CHMP4C: variants seen among roughly 807,000 people sequenced by gnomAD.
The protein encoded by CHMP4C is SNF7 homolog associated with Alix 3.
A neutral mutation model predicts 29.0 loss-of-function variants in CHMP4C; 28 were observed. The ratio of observed to expected loss-of-function variants is 0.97; its 90% CI spans 0.72 to 1.32. CHMP4C has a LOEUF of 1.32. Ranked by LOEUF, CHMP4C falls within the 40% of genes most tolerant of loss-of-function variation. The probability of loss-of-function intolerance (pLI) is 0.00; values close to 1 mark genes in which losing one functional copy is unlikely to be tolerated. For missense variants in CHMP4C, 291 were observed against 281.0 expected (o/e 1.04, Z -0.25); for synonymous variants, 106 against 102.4 (o/e 1.04, Z -0.21).
At chr8:81,737,040 A>T (rs1179784633) in intron 1 of CHMP4C, among the ~76,000 whole-genome samples, 2 of 152,224 alleles carry the variant, frequency 1.3e-5, no homozygotes, top group African/African-American at 2.4e-5. Flanking sequence ...TTGGAGCTTG[A>T]GTTATAATTT....
At chr8:81,757,314 G>T (rs572474597) in intron 3 of CHMP4C, among the ~76,000 whole-genome samples, 8 of 152,224 alleles carry the variant, frequency 5.3e-5, no homozygotes, top group South Asian at 4.1e-4. Flanking sequence ...AAATCTACTT[G>T]GTTGAATATA....
rs574032753 is a variant in CHMP4C, at chr8:81,748,696, G to A, written c.191-4368G>A. 1.7e-4 allele frequency among the ~76,000 whole-genome samples: 26 copies of A among 152,120 alleles called. 1 individual carries two copies. Among genetic ancestry groups the A allele is most frequent in the South Asian group, 4.1e-4 (2 of 4,826 alleles). Reference sequence around the variant, plus strand: ...CTCACACCTGTAATCCCAGCAGGCCGAGGCAGGCGATCACGAGGTCAGGAG... The same window carrying A: ...CTCACACCTGTAATCCCAGCAGGCCAAGGCAGGCGATCACGAGGTCAGGAG... On this transcript the variant is annotated intron_variant, in intron 1 of 4. Transcript: ENST00000297265.
chr8:81,749,324 G>A (rs139398386), intron 1 of CHMP4C, among the ~76,000 whole-genome samples: 14 of 152,242 alleles, frequency 9.2e-5, no homozygotes, highest in Non-Finnish European at 1.8e-4. Flanking sequence ...AGAATTAAAT[G>A]TCATAAATCA....
intron 3 of CHMP4C, among the ~76,000 whole-genome samples, chr8:81,757,474 G>A (rs1232854105): frequency 6.6e-6 from 1 of 152,184 alleles, no homozygotes; most frequent in African/African-American, 2.4e-5. Context: ...AGTCATCTCA[G>A]AATTGGCATA....
At chr8:81,751,506 C>A (rs1808902829) in intron 1 of CHMP4C, among the ~76,000 whole-genome samples, 1 of 151,870 alleles carries the variant, frequency 6.6e-6, no homozygotes, top group Admixed American at 6.6e-5. Context: ...AATTTCCTTT[C>A]AACATAGAAG....
intron 1 of CHMP4C, among the ~76,000 whole-genome samples, chr8:81,737,858 C>G (rs927577976): frequency 1.3e-5 from 2 of 152,188 alleles, no homozygotes; most frequent in Non-Finnish European, 2.9e-5. Flanking sequence ...GTACTTGGCC[C>G]AGTTTTTGGC....
chr8:81,732,701 C>T lies in CHMP4C; in HGVS notation c.75C>T (p.Ala25=). 6.3e-7 allele frequency: 1 copy of T among 1,594,904 alleles called. No individual in the cohort carries two copies. The highest frequency in any genetic ancestry group is 8.5e-7 in the Non-Finnish European group (1 of 1,170,822). ...KSRAAPSPQE[A]LVRLRETEEM... ...GAGCCGCTCCCAGTCCCCAGGAGGC[C>T]CTGGTCCGACTTCGGGAGACTGAGG... is the stretch of plus-strand genomic sequence containing the variant. The change falls in exon 1 of 5, where the codon GCC becomes GCT. Residue 25 remains alanine (A), a synonymous_variant. Coordinates refer to ENST00000297265, the MANE Select transcript of CHMP4C (RefSeq NM_152284.4).
chr8:81,734,407 C>T lies in CHMP4C; in HGVS notation c.190+1591C>T, dbSNP rs984055167. Among the ~76,000 whole-genome samples the T allele has an allele frequency of 5.3e-5, 8 of 151,996 alleles. No homozygotes were observed. The East Asian group carries it at 7.8e-4, about 15-fold the overall frequency. ...GTGCAATGGCGCGATCTTGGCTCACCGCAACCTCTGCCGCCCAGGTTCAAG... is the reference window on the plus strand; with the variant it reads ...GTGCAATGGCGCGATCTTGGCTCACTGCAACCTCTGCCGCCCAGGTTCAAG... On this transcript the variant is annotated intron_variant, in intron 1 of 4. Coordinates refer to ENST00000297265, the MANE Select transcript of CHMP4C (RefSeq NM_152284.4).
At chr8:81,746,225 A>C (rs952904806) in intron 1 of CHMP4C, among the ~76,000 whole-genome samples, 1 of 152,200 alleles carries the variant, frequency 6.6e-6, no homozygotes, top group African/African-American at 2.4e-5. Context: ...GCCATGCAGA[A>C]GTTACTGGTT....
chr8:81,740,086 ATTG>A (rs910165476), intron 1 of CHMP4C, among the ~76,000 whole-genome samples: 5 of 152,134 alleles, frequency 3.3e-5, no homozygotes, highest in African/African-American at 1.2e-4. Context: ...TGCAGCCTCT[ATTG>A]TTGTTGTAGA....
rs546117835 is a variant in CHMP4C, at chr8:81,744,991, A to C, written c.191-8073A>C. 3.3e-5 allele frequency among the ~76,000 whole-genome samples: 5 copies of C among 152,368 alleles called. No individual in the cohort carries two copies. The South Asian group carries it at 1.0e-3, about 32-fold the overall frequency. On this transcript the variant is annotated intron_variant, in intron 1 of 4. Transcript: ENST00000297265. ...CTATTTCCCCAGTTGTTTTCAATCT[A>C]ACCTGTGACATTGAGCAGATATATT...
In CHMP4C at chr8:81,746,405, T is replaced by G. The variant is rs182585338; in HGVS notation, c.191-6659T>G. Among the ~76,000 whole-genome samples the G allele has an allele frequency of 4.3e-4, 65 of 152,300 alleles. 1 individual carries two copies. The highest frequency in any genetic ancestry group is 8.8e-5 in the Non-Finnish European group (6 of 68,020). On this transcript the variant is annotated intron_variant, in intron 1 of 4. Transcript: ENST00000297265. ...CAGTGCTGCTTCCATTAGATCAGGT[T>G]TATGCTCCCAGATCACTGGGGTCTC... is the stretch of plus-strand genomic sequence containing the variant.
At chr8:81,745,080 C>A (rs1808805578) in intron 1 of CHMP4C, among the ~76,000 whole-genome samples, 1 of 151,904 alleles carries the variant, frequency 6.6e-6, no homozygotes, top group African/African-American at 2.4e-5. Context: ...TTTTTGAAAA[C>A]CAAAACAATG....
chr8:81,752,990 T>C, intron 1 of CHMP4C, 74 bp from the exon 2 acceptor site: 3 of 1,298,440 alleles, frequency 2.3e-6, no homozygotes, highest in Middle Eastern at 2.0e-4. Context: ...AAGTCCATAG[T>C]GGTGCTGAGC....
At chr8:81,742,434 C>T (rs1264046515) in intron 1 of CHMP4C, among the ~76,000 whole-genome samples, 1 of 152,136 alleles carries the variant, frequency 6.6e-6, no homozygotes, top group East Asian at 1.9e-4. Context: ...AGCTATCTAG[C>T]TTAAATGAAA....
chr8:81,733,327 TG>T (rs1409811675), intron 1 of CHMP4C, among the ~76,000 whole-genome samples: 1 of 152,228 alleles, frequency 6.6e-6, no homozygotes, highest in African/African-American at 2.4e-5. Flanking sequence ...CTGTAAATTT[TG>T]CTCCTGGTCC....
chr8:81,758,789 C>G lies in CHMP4C; in HGVS notation c.*245C>G. The G allele has an allele frequency of 2.4e-6, 1 of 425,258 alleles. No individual in the cohort carries two copies. Among genetic ancestry groups the G allele is most frequent in the South Asian group, 3.6e-5 (1 of 27,696 alleles). 26.3% of individuals were successfully genotyped at this position (425,258 alleles called of 1,614,324 possible). ...CTTTGGGAGGCTGAGGCAGTTGAGA[C>G]CAGGAGTTCGAGTCCAGCCTGACCA... On this transcript the variant is annotated 3_prime_UTR_variant, in exon 5 of 5. Coordinates refer to ENST00000297265, the MANE Select transcript of CHMP4C (RefSeq NM_152284.4).
chr8:81,739,918 C>T (rs967170111), intron 1 of CHMP4C, among the ~76,000 whole-genome samples: 1 of 152,192 alleles, frequency 6.6e-6, no homozygotes, highest in Non-Finnish European at 1.5e-5. Flanking sequence ...CCCACACTCC[C>T]GTGGAAATCA....
rs956321712 is a variant in CHMP4C at position 81,750,762 on chromosome 8, A to G, written c.191-2302A>G. On this transcript the variant is annotated intron_variant, in intron 1 of 4. Coordinates refer to ENST00000297265, the MANE Select transcript of CHMP4C (RefSeq NM_152284.4). ...AAATTTCAGAAGATAGTAGACAGAA[A>G]TACAGAGGAGAAAAGAGTGATAAAA... Among the ~76,000 whole-genome samples the G allele has an allele frequency of 7.2e-5, 11 of 152,296 alleles. No individual in the cohort carries two copies. In the South Asian group the frequency reaches 1.9e-3, roughly 26 times the overall value.
Sources: allele counts gnomAD v4.1 joint callset (sites outside exome capture counted in the v4.1 genomes callset), GRCh38; gene constraint gnomAD v4.1.1; transcripts MANE v1.5; gene names NCBI Gene and HGNC (gene_info 2026-07-23, HGNC 2026-07-21).